KLF3: variants seen among roughly 807,000 people sequenced by gnomAD.
The protein encoded by KLF3 is KLF transcription factor 3.
In KLF3, 6 loss-of-function variants were observed where a neutral mutation model predicts 32.7. That is an observed-to-expected ratio of 0.18 (90% CI 0.10 to 0.36). The LOEUF (loss-of-function observed/expected upper bound fraction) is 0.36, where lower values mean the gene tolerates loss of function less well. Ranked by LOEUF, KLF3 falls within the 10% of genes least tolerant of loss-of-function variation. The pLI is 1.00. For missense variants in KLF3, 338 were observed against 449.7 expected (o/e 0.75, Z 2.25); for synonymous variants, 145 against 172.8 (o/e 0.84, Z 1.26).
At chr4:38,670,981 T>C (rs1040182815) in intron 1 of KLF3, among the ~76,000 whole-genome samples, 4 of 152,190 alleles carry the variant, frequency 2.6e-5, no homozygotes, top group Non-Finnish European at 4.4e-5. Context: ...CATTTTGAAA[T>C]CTTAATTGCC....
At chr4:38,676,489 G>A (rs1053038768) in intron 1 of KLF3, among the ~76,000 whole-genome samples, 1 of 152,138 alleles carries the variant, frequency 6.6e-6, no homozygotes, top group Non-Finnish European at 1.5e-5. Context: ...GAACACAGAT[G>A]TGTAGAAAGC....
intron 1 of KLF3, among the ~76,000 whole-genome samples, chr4:38,669,904 A>AAAAAAAC (rs1722148939): frequency 7.0e-6 from 1 of 142,366 alleles, no homozygotes; most frequent in Non-Finnish European, 1.5e-5. Flanking sequence ...AAAAAAAAAA[A>AAAAAAAC]AAAAAAAAAA....
intron 1 of KLF3, among the ~76,000 whole-genome samples, chr4:38,679,495 G>A (rs1014070739): frequency 7.9e-5 from 12 of 152,178 alleles, no homozygotes; most frequent in African/African-American, 2.9e-4. Flanking sequence ...GGCGCTTTGG[G>A]AAATGTATAT....
At chr4:38,679,667 C>T (rs1722457051) in intron 1 of KLF3, among the ~76,000 whole-genome samples, 1 of 152,184 alleles carries the variant, frequency 6.6e-6, no homozygotes, top group South Asian at 2.1e-4. Flanking sequence ...CTGATGTGTT[C>T]ACACAGTGGC....
chr4:38,690,004 C>T, intron 4 of KLF3, 125 bp downstream of exon 4: 1 of 894,846 alleles, frequency 1.1e-6, no homozygotes, highest in Non-Finnish European at 1.7e-6. Flanking sequence ...TGATCTGTGG[C>T]CGCCACTGGT....
chr4:38,699,688 A>G lies in KLF3; in HGVS notation c.*2425A>G, dbSNP rs1723148100. On this transcript the variant is annotated 3_prime_UTR_variant, in exon 6 of 6. Transcript: ENST00000261438. ...TAACATTACTGTTCAGCTTGCTTAG[A>G]TTGTGTTAACAGTTCATTTAACAAA... The G allele has an allele frequency of 6.6e-6, 1 of 152,252 alleles. No individual in the cohort carries two copies. Among genetic ancestry groups the G allele is most frequent in the Non-Finnish European group, 1.5e-5 (1 of 68,044 alleles). The allele number at this position is 152,252 out of a possible 1,614,324, so 9.4% of individuals were successfully genotyped here.
chr4:38,673,876 C>T (rs1183050578), intron 1 of KLF3, among the ~76,000 whole-genome samples: 1 of 152,024 alleles, frequency 6.6e-6, no homozygotes, highest in African/African-American at 2.4e-5. Flanking sequence ...GGCAACTCTC[C>T]ATAGGGTGGA....
intron 1 of KLF3, among the ~76,000 whole-genome samples, chr4:38,672,255 C>G (rs1348384061): frequency 6.6e-6 from 1 of 152,174 alleles, no homozygotes; most frequent in African/African-American, 2.4e-5. Context: ...GCTCCTTAGG[C>G]TTGACATAAA....
At chr4:38,689,177 A>C in intron 3 of KLF3, 106 bp downstream of exon 3, 1 of 1,383,412 alleles carries the variant, frequency 7.2e-7, no homozygotes, top group Non-Finnish European at 9.9e-7. Flanking sequence ...TGAACTCTTC[A>C]AAGGAAATAC....
At chr4:38,693,919 A>T (rs1333055058) in intron 4 of KLF3, among the ~76,000 whole-genome samples, 1 of 152,188 alleles carries the variant, frequency 6.6e-6, no homozygotes, top group Non-Finnish European at 1.5e-5. Flanking sequence ...TTTGGTTTCT[A>T]ATCCACCCAG....
At chr4:38,679,788 A>G (rs987475449) in intron 1 of KLF3, among the ~76,000 whole-genome samples, 2 of 152,240 alleles carry the variant, frequency 1.3e-5, no homozygotes, top group African/African-American at 4.8e-5. Context: ...AATACCATGT[A>G]CACTATGAGC....
intron 2 of KLF3, among the ~76,000 whole-genome samples, chr4:38,681,819 G>T (rs989815086): frequency 6.6e-6 from 1 of 152,208 alleles, no homozygotes; most frequent in Admixed American, 6.5e-5. Flanking sequence ...GATCATCCTT[G>T]TGCATGGGCT....
At chr4:38,696,314 A>C (rs1723044634) in intron 5 of KLF3, among the ~76,000 whole-genome samples, 1 of 152,162 alleles carries the variant, frequency 6.6e-6, no homozygotes, top group Non-Finnish European at 1.5e-5. Flanking sequence ...CTAGAGAACA[A>C]AGGGTGTTAA....
intron 1 of KLF3, among the ~76,000 whole-genome samples, chr4:38,680,059 G>A (rs140599498): frequency 2.2e-4 from 33 of 152,254 alleles, no homozygotes; most frequent in African/African-American, 7.5e-4. Context: ...AATGCTGGTT[G>A]GCTCTCATCT....
chr4:38,678,995 G>A (rs1004853247), intron 1 of KLF3, among the ~76,000 whole-genome samples: 1 of 152,172 alleles, frequency 6.6e-6, no homozygotes, highest in Non-Finnish European at 1.5e-5. Flanking sequence ...TGAATATTTT[G>A]TCCTGTGAAG....
chr4:38,692,809 G>A (rs1237572670), intron 4 of KLF3, among the ~76,000 whole-genome samples: 5 of 152,050 alleles, frequency 3.3e-5, no homozygotes, highest in African/African-American at 9.7e-5. Context: ...GAAAAAGATA[G>A]TCTCCCAGTA....
At chr4:38,680,491 G>T (rs540605151) in intron 1 of KLF3, 96 bp from the exon 2 acceptor site, 104 of 625,546 alleles carry the variant, frequency 1.7e-4, no homozygotes, top group South Asian at 1.2e-3. Context: ...TGGGATTACA[G>T]GGGTGAGCCA....
Position 38,680,574 on chromosome 4 carries a change from T to C in KLF3, c.-39-13T>C. 1 of 1,353,094 alleles carries C rather than the reference T, an allele frequency of 7.4e-7. No homozygotes were observed. Among genetic ancestry groups the C allele is most frequent in the Non-Finnish European group, 1.1e-6 (1 of 943,634 alleles). The allele number at this position is 1,353,094 out of a possible 1,614,324, so 83.8% of individuals were successfully genotyped here. A position where few individuals can be genotyped will look rare whatever the true frequency, so the allele number is the denominator to read the frequency against. On this transcript the variant is annotated splice_polypyrimidine_tract_variant and intron_variant, in intron 1 of 5. Transcript: ENST00000261438. ...CCTTGAGACTTAGATGGATACCTTG[T>C]TTTGTTTTCTAGGCCAAACACCAGA...
At chr4:38,681,205 C>T (rs189095481) in intron 2 of KLF3, among the ~76,000 whole-genome samples, 100 of 152,288 alleles carry the variant, frequency 6.6e-4, no homozygotes, top group Non-Finnish European at 1.2e-3. Flanking sequence ...GACCCGTGCC[C>T]GGTGTCCCCC....
Sources: gnomAD v4.1 joint callset for allele counts (sites outside exome capture counted in the v4.1 genomes callset) on GRCh38, gnomAD v4.1.1 for gene constraint, MANE v1.5 for transcripts, NCBI Gene and HGNC (gene_info 2026-07-23, HGNC 2026-07-21) for gene names.